Variants in RSRC1 observed in about 807,000 individuals in gnomAD.
The protein encoded by RSRC1 is serine/Arginine-related protein 53.
In RSRC1, 39 loss-of-function variants were observed where a neutral mutation model predicts 49.1. The observed-to-expected ratio is 0.79, with a 90% CI of 0.61 to 1.04. The LOEUF (loss-of-function observed/expected upper bound fraction) is 1.04. Ranked by LOEUF, RSRC1 falls within the 50% of genes least tolerant of loss-of-function variation. The pLI is 0.00. For missense variants in RSRC1, 388 were observed against 402.4 expected, an observed-to-expected ratio of 0.96 and a Z score of 0.31; for synonymous variants, 143 against 130.8, an observed-to-expected ratio of 1.09 and a Z score of -0.63.
chr3:158,379,493 C>A (rs1048533819), intron 6 of RSRC1, among the ~76,000 whole-genome samples: 2 of 152,146 alleles, frequency 1.3e-5, no homozygotes, highest in Non-Finnish European at 2.9e-5. Context: ...AGCCACCACA[C>A]CTGGCCAGAA....
At chr3:158,511,794 A>G (rs983649986) in intron 7 of RSRC1, among the ~76,000 whole-genome samples, 41 of 151,790 alleles carry the variant, frequency 2.7e-4, no homozygotes, top group South Asian at 1.0e-3. Flanking sequence ...GTTGTTTCCT[A>G]ACTTTTTAAT....
intron 4 of RSRC1, among the ~76,000 whole-genome samples, chr3:158,212,319 C>T (rs987413520): frequency 8.6e-5 from 13 of 151,346 alleles, no homozygotes; most frequent in African/African-American, 3.2e-4. Flanking sequence ...TTCAAGTGTG[C>T]GTGTGCATTC....
chr3:158,194,645 C>G (rs1038269646), intron 3 of RSRC1, among the ~76,000 whole-genome samples: 1 of 119,166 alleles, frequency 8.4e-6, no homozygotes. Flanking sequence ...TATCCCTCCC[C>G]CTCCCCCCAC....
intron 6 of RSRC1, among the ~76,000 whole-genome samples, chr3:158,411,049 A>G (rs2108321587): frequency 6.6e-6 from 1 of 152,268 alleles, no homozygotes; most frequent in African/African-American, 2.4e-5. Context: ...AATGGGAATC[A>G]TACAGTATGC....
At chr3:158,285,934 A>G (rs1450151777) in intron 4 of RSRC1, among the ~76,000 whole-genome samples, 1 of 152,184 alleles carries the variant, frequency 6.6e-6, no homozygotes, top group Non-Finnish European at 1.5e-5. Flanking sequence ...ACTATGTTGA[A>G]TAGGAGTGGT....
intron 4 of RSRC1, among the ~76,000 whole-genome samples, chr3:158,232,784 C>A (rs896531629): frequency 2.6e-5 from 4 of 152,084 alleles, no homozygotes; most frequent in Admixed American, 2.0e-4. Flanking sequence ...ATGATCTACT[C>A]ATAACCAAGT....
At chr3:158,313,640 A>G (rs1284221109) in intron 5 of RSRC1, among the ~76,000 whole-genome samples, 1 of 152,238 alleles carries the variant, frequency 6.6e-6, no homozygotes, top group Non-Finnish European at 1.5e-5. Flanking sequence ...ATAAATTTAC[A>G]CAAAAACTAT....
intron 7 of RSRC1, among the ~76,000 whole-genome samples, chr3:158,530,226 A>G (rs1712303581): frequency 6.6e-6 from 1 of 151,898 alleles, no homozygotes; most frequent in South Asian, 2.1e-4. Context: ...CTAAATTAGC[A>G]CTTTTGTTTA....
At chr3:158,429,109 T>A (rs1014237207) in intron 6 of RSRC1, among the ~76,000 whole-genome samples, 4 of 151,890 alleles carry the variant, frequency 2.6e-5, no homozygotes, top group African/African-American at 9.7e-5. Context: ...GCATCATTAT[T>A]AGAGGCACAG....
intron 5 of RSRC1, among the ~76,000 whole-genome samples, chr3:158,326,742 A>G (rs1729177316): frequency 6.6e-6 from 1 of 152,194 alleles, no homozygotes; most frequent in South Asian, 2.1e-4. Flanking sequence ...TGCTGGCCTC[A>G]TAAAATGAGT....
chr3:158,448,025 T>C (rs1156712147), intron 6 of RSRC1, among the ~76,000 whole-genome samples: 2 of 151,904 alleles, frequency 1.3e-5, no homozygotes, highest in Admixed American at 6.6e-5. Context: ...GTCTAAGATA[T>C]GATTTTTTTT....
At chr3:158,133,591 A>G (rs1302644074) in intron 3 of RSRC1, among the ~76,000 whole-genome samples, 2 of 152,236 alleles carry the variant, frequency 1.3e-5, no homozygotes, top group African/African-American at 2.4e-5. Flanking sequence ...TTTAAAGACA[A>G]TAATTCGTCT....
chr3:158,389,038 A>G (rs1733127457), intron 6 of RSRC1, among the ~76,000 whole-genome samples: 2 of 152,332 alleles, frequency 1.3e-5, no homozygotes, highest in African/African-American at 4.8e-5. Flanking sequence ...ACAAAAGTTT[A>G]TAGAAAAAAA....
At chr3:158,334,683 G>GTGTA in intron 5 of RSRC1, among the ~76,000 whole-genome samples, 1 of 150,748 alleles carries the variant, frequency 6.6e-6, no homozygotes, top group East Asian at 2.0e-4. Context: ...GTGTGTGTGT[G>GTGTA]TGTATGTGTT....
chr3:158,514,257 G>A (rs902360765), intron 7 of RSRC1, among the ~76,000 whole-genome samples: 2 of 152,160 alleles, frequency 1.3e-5, no homozygotes, highest in African/African-American at 2.4e-5. Flanking sequence ...GGCATTTAGT[G>A]CTGTAAATTT....
At chr3:158,141,843 A>T (rs1716767880) in intron 3 of RSRC1, among the ~76,000 whole-genome samples, 1 of 152,136 alleles carries the variant, frequency 6.6e-6, no homozygotes, top group Admixed American at 6.5e-5. Context: ...CATGCCTGTA[A>T]TCCCAGCACT....
chr3:158,344,615 G>C (rs1267714812), intron 5 of RSRC1, among the ~76,000 whole-genome samples: 4 of 152,148 alleles, frequency 2.6e-5, no homozygotes, highest in South Asian at 4.1e-4. Flanking sequence ...AAATGTCACA[G>C]GGTGCCCTTT....
intron 6 of RSRC1, among the ~76,000 whole-genome samples, chr3:158,405,035 C>T (rs1202861821): frequency 6.6e-6 from 1 of 151,970 alleles, no homozygotes; most frequent in Admixed American, 6.6e-5. Flanking sequence ...ATGTTTTCTG[C>T]ATAAAATGTC....
At chr3:158,288,611 G>A (rs966688577) in intron 4 of RSRC1, among the ~76,000 whole-genome samples, 1 of 152,122 alleles carries the variant, frequency 6.6e-6, no homozygotes, top group Non-Finnish European at 1.5e-5. Context: ...GTATCTGTGG[G>A]ATATTGATTC....
Sources: gnomAD v4.1 joint callset for allele counts (sites outside exome capture counted in the v4.1 genomes callset) on GRCh38, gnomAD v4.1.1 for gene constraint, MANE v1.5 for transcripts, NCBI Gene and HGNC (gene_info 2026-07-23, HGNC 2026-07-21) for gene names.